KIF26B: variants seen among roughly 807,000 people sequenced by gnomAD.
KIF26B encodes kinesin-like protein KIF26B.
Under a neutral mutation model 151.2 loss-of-function variants are expected in KIF26B, and 63 were observed. The ratio of observed to expected loss-of-function variants is 0.42; its 90% CI spans 0.34 to 0.51. The LOEUF is 0.51. KIF26B is among the 20% of genes least tolerant of loss of function. The pLI, the probability that KIF26B is intolerant of heterozygous loss-of-function variation, is 0.07. For synonymous variants in KIF26B, 1,357 were observed against 1,262.1 expected (o/e 1.08, Z -1.59); for missense variants, 2,813 against 2,913.6 (o/e 0.97, Z 0.79).
intron 2 of KIF26B, among the ~76,000 whole-genome samples, chr1:245,324,271 G>A (rs1671943956): frequency 6.6e-6 from 1 of 152,222 alleles, no homozygotes; most frequent in African/African-American, 2.4e-5. Context: ...TGTATTTTCA[G>A]ACCTGGAATA....
chr1:245,540,776 G>A lies in KIF26B; in HGVS notation c.1176G>A (p.Gln392=). ...VAASFFARAA[Q]KLNLSSKKKK... is the part of the protein sequence containing the mutation. Reference sequence around the variant, plus strand: ...CCTTTTTCCACTCCAGAGCTGCCCAGAAGTTAAATCTGTCTTCTAAAAAGA... The same window carrying A: ...CCTTTTTCCACTCCAGAGCTGCCCAAAAGTTAAATCTGTCTTCTAAAAAGA... Residue 392 remains glutamine (Q), a synonymous_variant, in exon 5 of 15, where the codon CAG becomes CAA. Transcript: ENST00000407071. The surrounding 1 kb of genome is among the most constrained non-coding windows in gnomAD (Gnocchi z 4.6). The A allele has an allele frequency of 6.2e-7, 1 of 1,613,906 alleles. No individual in the cohort carries two copies. The highest frequency in any genetic ancestry group is 8.5e-7 in the Non-Finnish European group (1 of 1,179,800).
intron 2 of KIF26B, among the ~76,000 whole-genome samples, chr1:245,329,312 C>T (rs1216038341): frequency 5.9e-5 from 9 of 152,326 alleles, no homozygotes; most frequent in East Asian, 5.8e-4. Context: ...CAGGGAAGTC[C>T]GCCCATCATC....
chr1:245,520,715 G>A lies in KIF26B; in HGVS notation c.1167-20052G>A, dbSNP rs150166308. Among the ~76,000 whole-genome samples the A allele has an allele frequency of 3.0e-4, 45 of 152,176 alleles. 1 individual carries two copies. Among genetic ancestry groups the A allele is most frequent in the African/African-American group, 1.1e-3 (44 of 41,522 alleles). ...TGCATAGCATGCACCATTCCTGGCA[G>A]TTAAGAAAATAAAAGGCCTCACTCT... On this transcript the variant is annotated intron_variant, in intron 4 of 14. Coordinates refer to ENST00000407071, the MANE Select transcript of KIF26B (RefSeq NM_018012.4).
intron 2 of KIF26B, among the ~76,000 whole-genome samples, chr1:245,233,771 T>C (rs1160066063): frequency 1.3e-5 from 2 of 152,202 alleles, no homozygotes; most frequent in Admixed American, 1.3e-4. Context: ...CTGATGAGAG[T>C]GAGCATTTGC....
chr1:245,200,067 G>C (rs921315309), intron 2 of KIF26B, among the ~76,000 whole-genome samples: 3 of 152,144 alleles, frequency 2.0e-5, no homozygotes, highest in Admixed American at 2.0e-4. Context: ...AAAAATTCAC[G>C]AGATTGTTCT....
chr1:245,680,478 G>A (rs1453597716), intron 10 of KIF26B, among the ~76,000 whole-genome samples: 1 of 152,134 alleles, frequency 6.6e-6, no homozygotes, highest in Admixed American at 6.5e-5. Flanking sequence ...GTGGGGAGTC[G>A]CAGTAAACAT....
chr1:245,226,622 C>A (rs1341658460), intron 2 of KIF26B, among the ~76,000 whole-genome samples: 2 of 152,044 alleles, frequency 1.3e-5, no homozygotes, highest in Non-Finnish European at 2.9e-5. Flanking sequence ...CACCACCACG[C>A]CCGGCTAATT....
intron 2 of KIF26B, among the ~76,000 whole-genome samples, chr1:245,230,737 T>C (rs1217610292): frequency 6.7e-6 from 1 of 149,710 alleles, no homozygotes; most frequent in Non-Finnish European, 1.5e-5. Flanking sequence ...GAGCGAAACT[T>C]CATGTAAAAA....
At chr1:245,210,335 G>A (rs1384306828) in intron 2 of KIF26B, among the ~76,000 whole-genome samples, 3 of 152,156 alleles carry the variant, frequency 2.0e-5, no homozygotes, top group South Asian at 2.1e-4. Flanking sequence ...GGACCACCCC[G>A]CACAGGCCCA....
intron 2 of KIF26B, among the ~76,000 whole-genome samples, chr1:245,294,130 G>A (rs1185644921): frequency 6.6e-6 from 1 of 152,138 alleles, no homozygotes; most frequent in African/African-American, 2.4e-5. Context: ...TCTATGGCAA[G>A]GTTCATAAAA....
At chr1:245,349,306 CCTTT>C (rs1229096810) in intron 2 of KIF26B, among the ~76,000 whole-genome samples, 2 of 152,072 alleles carry the variant, frequency 1.3e-5, no homozygotes, top group Admixed American at 1.3e-4. Flanking sequence ...CTTTCCTCTT[CCTTT>C]AAGTTTTAAG....
chr1:245,325,094 CAAAA>C (rs57433161), intron 2 of KIF26B, among the ~76,000 whole-genome samples: 6 of 96,556 alleles, frequency 6.2e-5, no homozygotes, highest in Non-Finnish European at 9.4e-5. Context: ...GACCTTGTCT[CAAAA>C]AAAAAAAAAA....
intron 5 of KIF26B, among the ~76,000 whole-genome samples, chr1:245,573,374 T>C (rs919830335): frequency 6.6e-6 from 1 of 151,936 alleles, no homozygotes; most frequent in Non-Finnish European, 1.5e-5. Flanking sequence ...ATACAAAAAA[T>C]TAGCCGGGCG....
chr1:245,169,163 G>A (rs1340502748), intron 2 of KIF26B, among the ~76,000 whole-genome samples: 3 of 152,094 alleles, frequency 2.0e-5, no homozygotes, highest in Non-Finnish European at 4.4e-5. Flanking sequence ...CTCTCTGCAC[G>A]TATCTTACCA....
intron 5 of KIF26B, among the ~76,000 whole-genome samples, chr1:245,598,845 T>G (rs111336628): frequency 0.031 from 4,708 of 152,202 alleles, 104 homozygotes; most frequent in Middle Eastern, 0.061. Context: ...AGTGGGGACT[T>G]GGGTGCAGGA....
intron 4 of KIF26B, among the ~76,000 whole-genome samples, chr1:245,531,834 C>G (rs1661367827): frequency 6.6e-6 from 1 of 152,190 alleles, no homozygotes; most frequent in African/African-American, 2.4e-5. Context: ...CAGTGGCTCA[C>G]ACCTGTTATT....
intron 4 of KIF26B, among the ~76,000 whole-genome samples, chr1:245,454,455 G>A (rs1007862262): frequency 1.3e-5 from 2 of 152,090 alleles, no homozygotes; most frequent in Non-Finnish European, 2.9e-5. Context: ...ATATGTGAAT[G>A]GGAAAGAAAA....
rs58192966 is a variant in KIF26B at position 245,451,585 on chromosome 1, C to CTTTTTTTTTTTTTTTTTTTTTTT, written c.1166+31846_1166+31868dup. On this transcript the variant is annotated intron_variant, in intron 4 of 14. Coordinates refer to ENST00000407071, the MANE Select transcript of KIF26B (RefSeq NM_018012.4). ...TATAATATGTATCCAGAAGATCTAT[C>CTTTTTTTTTTTTTTTTTTTTTTT]TTTTTTTTTTTTTTTTTTTTTTTTT... Among the ~76,000 whole-genome samples the CTTTTTTTTTTTTTTTTTTTTTTT allele has an allele frequency of 6.8e-5, 4 of 58,754 alleles. 1 individual carries two copies. The highest frequency in any genetic ancestry group is 1.4e-4 in the African/African-American group (2 of 14,090). The allele number at this position is 58,754 out of a possible 152,430, so 38.5% of individuals were successfully genotyped here.
In KIF26B at chr1:245,563,879, C is replaced by G. The variant is rs77413094; in HGVS notation, c.1350+22929C>G. On this transcript the variant is annotated intron_variant, in intron 5 of 14. Transcript: ENST00000407071. This position sits in a 1 kb window ranked among gnomAD's most constrained non-coding sequence, Gnocchi z 4.6. Reference sequence around the variant, plus strand: ...TTGAACTTGACCTTGCTCTCCTCCTCGGGTCAGGCCTGCCGACCCTGCACT... The same window carrying G: ...TTGAACTTGACCTTGCTCTCCTCCTGGGGTCAGGCCTGCCGACCCTGCACT... 1.3e-5 allele frequency among the ~76,000 whole-genome samples: 2 copies of G among 152,144 alleles called. No individual in the cohort carries two copies. Among genetic ancestry groups the G allele is most frequent in the Non-Finnish European group, 2.9e-5 (2 of 68,032 alleles).
Sources: allele counts gnomAD v4.1 joint callset (sites outside exome capture counted in the v4.1 genomes callset), GRCh38; gene constraint gnomAD v4.1.1; non-coding constraint Gnocchi (gnomAD v3.1); transcripts MANE v1.5; gene names NCBI Gene and HGNC (gene_info 2026-07-23, HGNC 2026-07-21).